Variants in PRR5L observed in about 807,000 individuals in gnomAD.
PRR5L encodes proline-rich protein 5-like.
Under a neutral mutation model 36.4 loss-of-function variants are expected in PRR5L, and 21 were observed. The observed-to-expected ratio is 0.58, with a 90% CI of 0.41 to 0.83. PRR5L has a LOEUF of 0.83. Ranked by LOEUF, PRR5L falls within the 40% of genes least tolerant of loss-of-function variation. The pLI is 0.00. For synonymous variants in PRR5L, 188 were observed against 197.0 expected (o/e 0.95, Z 0.38); for missense variants, 381 against 473.3 (o/e 0.80, Z 1.81).
intron 3 of PRR5L, among the ~76,000 whole-genome samples, chr11:36,404,303 G>A (rs1444259015): frequency 1.5e-5 from 2 of 135,148 alleles, no homozygotes; most frequent in African/African-American, 5.7e-5. Context: ...ACGGAGTCTT[G>A]CTCTGTTACC....
intron 6 of PRR5L, 50 bp downstream of exon 6, chr11:36,437,526 T>C: frequency 8.4e-7 from 1 of 1,188,170 alleles, no homozygotes; most frequent in Non-Finnish European, 1.2e-6. Flanking sequence ...ATCTGTCTTC[T>C]CTCCTGGCCC....
Position 36,464,155 on chromosome 11 carries a change from C to G in PRR5L, c.*1419C>G, listed in dbSNP as rs1859248033. On this transcript the variant is annotated 3_prime_UTR_variant, in exon 9 of 9. Transcript: ENST00000530639. ...TTATCCACCTTGAATCCCTATCCTC[C>G]TCTTTGTAGTTGTCGGTCTCACTGA... The G allele has an allele frequency of 6.6e-6, 1 of 152,150 alleles. No individual in the cohort carries two copies. The highest frequency in any genetic ancestry group is 2.4e-5 in the African/African-American group (1 of 41,432). 9.4% of individuals were successfully genotyped at this position (152,150 alleles called of 1,614,324 possible). A position where few individuals can be genotyped will look rare whatever the true frequency, so the allele number is the denominator to read the frequency against.
At chr11:36,440,118 AC>A (rs1390688275) in intron 6 of PRR5L, among the ~76,000 whole-genome samples, 1 of 152,140 alleles carries the variant, frequency 6.6e-6, no homozygotes, top group Non-Finnish European at 1.5e-5. Context: ...TAAACCGGGT[AC>A]CCCATACCCT....
chr11:36,316,195 G>A (rs1220240501), intron 1 of PRR5L, among the ~76,000 whole-genome samples: 1 of 152,142 alleles, frequency 6.6e-6, no homozygotes, highest in African/African-American at 2.4e-5. Flanking sequence ...GCCATTGTAG[G>A]GCAAAAGCAG....
At chr11:36,351,769 A>ATATATTTTT (rs1856976738) in intron 1 of PRR5L, among the ~76,000 whole-genome samples, 10 of 26,168 alleles carry the variant, frequency 3.8e-4, no homozygotes, top group African/African-American at 5.0e-4. Context: ...TTATATATTT[A>ATATATTTTT]TATATATTTA....
intron 1 of PRR5L, among the ~76,000 whole-genome samples, chr11:36,353,006 TACAG>T (rs1473900394): frequency 6.6e-6 from 1 of 152,188 alleles, no homozygotes. Context: ...TGTTTGTTCT[TACAG>T]ACAGAGTCTT....
At chr11:36,458,702 C>T (rs1466227472) in intron 8 of PRR5L, among the ~76,000 whole-genome samples, 1 of 152,198 alleles carries the variant, frequency 6.6e-6, no homozygotes, top group African/African-American at 2.4e-5. Context: ...CTAGGGCCCT[C>T]CAGATCCACT....
intron 1 of PRR5L, among the ~76,000 whole-genome samples, chr11:36,300,541 G>A (rs1027754599): frequency 6.6e-6 from 1 of 150,922 alleles, no homozygotes; most frequent in Non-Finnish European, 1.5e-5. Context: ...CAGCAATATT[G>A]CATTCTGAGA....
At chr11:36,418,104 G>A (rs778062748) in intron 3 of PRR5L, among the ~76,000 whole-genome samples, 2 of 152,182 alleles carry the variant, frequency 1.3e-5, no homozygotes, top group East Asian at 1.9e-4. Context: ...ATTTATTAAC[G>A]TGCTATCTAT....
chr11:36,335,792 A>C (rs1856763529), intron 1 of PRR5L, among the ~76,000 whole-genome samples: 1 of 152,238 alleles, frequency 6.6e-6, no homozygotes, highest in African/African-American at 2.4e-5. Context: ...CCAACTATAT[A>C]ATAAGCAAAA....
intron 1 of PRR5L, among the ~76,000 whole-genome samples, chr11:36,348,277 A>T (rs1348921922): frequency 6.6e-6 from 1 of 152,122 alleles, no homozygotes; most frequent in Non-Finnish European, 1.5e-5. Flanking sequence ...GGTTGTTTTC[A>T]TCTGTAAAAC....
At chr11:36,374,754 A>C (rs1464677071) in intron 1 of PRR5L, among the ~76,000 whole-genome samples, 1 of 152,218 alleles carries the variant, frequency 6.6e-6, no homozygotes, top group Admixed American at 6.5e-5. Context: ...ACCCTAAGAC[A>C]GAGCTACTAC....
intron 1 of PRR5L, among the ~76,000 whole-genome samples, chr11:36,382,375 A>G (rs1449014694): frequency 6.6e-6 from 1 of 152,218 alleles, no homozygotes; most frequent in Admixed American, 6.5e-5. Flanking sequence ...TTTACAAAGT[A>G]ATGACTTTGG....
chr11:36,392,926 C>A (rs182595198), intron 1 of PRR5L, among the ~76,000 whole-genome samples: 1 of 152,330 alleles, frequency 6.6e-6, no homozygotes, highest in African/African-American at 2.4e-5. Flanking sequence ...CAAACCACAT[C>A]AAATGATGTT....
At chr11:36,459,407 C>T (rs558835500) in intron 8 of PRR5L, among the ~76,000 whole-genome samples, 1 of 152,176 alleles carries the variant, frequency 6.6e-6, no homozygotes, top group Admixed American at 6.5e-5. Flanking sequence ...TTTGCTTCCT[C>T]TCTTGGGACT....
intron 6 of PRR5L, 99 bp downstream of exon 6, chr11:36,437,575 G>C (rs375682550): frequency 3.2e-5 from 23 of 710,762 alleles, no homozygotes; most frequent in Non-Finnish European, 5.3e-5. Context: ...GAGAAAACTT[G>C]GAGATTGGGC....
chr11:36,301,541 A>G (rs540434404), intron 1 of PRR5L, among the ~76,000 whole-genome samples: 1 of 152,250 alleles, frequency 6.6e-6, no homozygotes, highest in African/African-American at 2.4e-5. Context: ...ATGCTATGCC[A>G]TGATGGGTCA....
chr11:36,441,886 G>A (rs1284101266), intron 6 of PRR5L, among the ~76,000 whole-genome samples: 1 of 152,156 alleles, frequency 6.6e-6, no homozygotes, highest in Non-Finnish European at 1.5e-5. Flanking sequence ...AGTAACAGCT[G>A]GAATGGTACC....
At chr11:36,322,532 T>C (rs568005896) in intron 1 of PRR5L, among the ~76,000 whole-genome samples, 2 of 152,346 alleles carry the variant, frequency 1.3e-5, no homozygotes, top group African/African-American at 2.4e-5. Context: ...CTCTAGTCCA[T>C]GTTATTTTTG....
Sources: gnomAD v4.1 joint callset for allele counts (sites outside exome capture counted in the v4.1 genomes callset) on GRCh38, gnomAD v4.1.1 for gene constraint, MANE v1.5 for transcripts, NCBI Gene and HGNC (gene_info 2026-07-23, HGNC 2026-07-21) for gene names.